Variants in ZNF462 observed in about 807,000 individuals in gnomAD.
ZNF462 encodes zinc finger protein 462.
Under a neutral mutation model 201.9 loss-of-function variants are expected in ZNF462, and 10 were observed. The observed-to-expected ratio is 0.05, with a 90% confidence interval of 0.03 to 0.08. The LOEUF (loss-of-function observed/expected upper bound fraction) is 0.08. Among genes scored for constraint, ZNF462 ranks in the 10% least tolerant of loss-of-function variants. ZNF462 has a pLI of 1.00. For synonymous variants in ZNF462, 1,227 were observed against 1,193.3 expected, an observed-to-expected ratio of 1.03 and a Z score of -0.58; for missense variants, 2,523 against 3,168.3, an observed-to-expected ratio of 0.80 and a Z score of 4.89.
rs1831473441 is a variant in ZNF462 at position 106,954,132 on chromosome 9, A to G, written c.6427+15025A>G. Among the ~76,000 whole-genome samples, 1 of 152,190 alleles carries G rather than the reference A, an allele frequency of 6.6e-6. No homozygotes were observed. The highest frequency in any genetic ancestry group is 2.4e-5 in the African/African-American group (1 of 41,438). On this transcript the variant is annotated intron_variant, in intron 7 of 12. Transcript: ENST00000277225. The surrounding 1 kb of genome is among the most constrained non-coding windows in gnomAD (Gnocchi z 4.0). The stretch of plus-strand genomic sequence containing the variant: ...TTTAACAGCTCTGCATGGCCTGTGT[A>G]TTAGTCCGTTTTCACATTGCTATAA...
chr9:106,862,230 G>A (rs952408467), upstream of ZNF462, among the ~76,000 whole-genome samples: 1 of 152,196 alleles, frequency 6.6e-6, no homozygotes, highest in East Asian at 1.9e-4. This position sits in a 1 kb window ranked among gnomAD's most constrained non-coding sequence, Gnocchi z 4.2. Flanking sequence ...AGCCCCACGT[G>A]GTTGATCTGG....
intron 1 of ZNF462, 79 bp downstream of exon 1, chr9:106,863,434 A>C (rs1827144012): frequency 2.7e-6 from 1 of 376,838 alleles, no homozygotes; most frequent in African/African-American, 2.1e-5. Context: ...TGGAGGCACA[A>C]ACGCGCTCAT....
rs1475649728 is a variant in ZNF462, at chr9:106,929,577, A to G, written c.5665A>G (p.Asn1889Asp). Residue 1889 changes from asparagine (N) to aspartate (D), a missense_variant, in exon 3 of 13, where the codon AAC becomes GAC. Asn to Asp is a conservative substitution (Grantham distance 23). This residue lies in a region of ZNF462 where 207 missense variants were observed against 231.6 expected (regional missense o/e 0.89). Coordinates refer to ENST00000277225, the MANE Select transcript of ZNF462 (RefSeq NM_021224.6). This position sits in a 1 kb window ranked among gnomAD's most constrained non-coding sequence, Gnocchi z 8.7. ...TCTGGGCAACGGCCCCCGCTTGCAGAACTCCACCTACCAGTGTAAGCACTG... is the reference window on the plus strand; with the variant it reads ...TCTGGGCAACGGCCCCCGCTTGCAGGACTCCACCTACCAGTGTAAGCACTG... The part of the protein sequence containing the change: ...IILGNGPRLQ[N>D]STYQCKHCDS... 6.2e-7 allele frequency: 1 copy of G among 1,614,084 alleles called. No individual in the cohort carries two copies. Among genetic ancestry groups the G allele is most frequent in the African/African-American group, 1.3e-5 (1 of 74,944 alleles).
chr9:106,948,812 TAATA>T (rs1035932857), intron 7 of ZNF462, among the ~76,000 whole-genome samples: 16 of 151,968 alleles, frequency 1.1e-4, no homozygotes, highest in Admixed American at 9.2e-4. Context: ...CCTTTTCAAA[TAATA>T]AATATTGAGT....
At chr9:106,904,646 CTTTGTT>C (rs990606600) in intron 1 of ZNF462, among the ~76,000 whole-genome samples, 4 of 152,088 alleles carry the variant, frequency 2.6e-5, no homozygotes, top group African/African-American at 9.7e-5. Context: ...TTTTCTTTGT[CTTTGTT>C]GGATTGGGTT....
At chr9:106,934,296 GA>G (rs61513773) in intron 5 of ZNF462, among the ~76,000 whole-genome samples, 10,497 of 113,862 alleles carry the variant, frequency 0.092, 714 homozygotes, top group African/African-American at 0.22. Flanking sequence ...CTCTTGAGAT[GA>G]AAAAAAAAAA....
intron 7 of ZNF462, among the ~76,000 whole-genome samples, chr9:106,940,571 T>A (rs555069156): frequency 1.3e-5 from 2 of 152,312 alleles, no homozygotes; most frequent in East Asian, 3.9e-4. Context: ...AGCTTGGTGG[T>A]CTTTCCTTTG....
At chr9:106,888,679 T>C (rs1810024544) in intron 1 of ZNF462, among the ~76,000 whole-genome samples, 1 of 152,222 alleles carries the variant, frequency 6.6e-6, no homozygotes, top group Non-Finnish European at 1.5e-5. Flanking sequence ...CTGTCACTCT[T>C]CCCACCGTAT....
rs1830140686 is a variant in ZNF462 at position 106,925,185 on chromosome 9, T to C, written c.1273T>C (p.Leu425=). The C allele has an allele frequency of 6.2e-7, 1 of 1,614,202 alleles. No homozygotes were observed. The highest frequency in any genetic ancestry group is 8.5e-7 in the Non-Finnish European group (1 of 1,180,046). Reference sequence around the variant, plus strand: ...GATGGGCTCAGATGGCAACAAATTATTGGAGACCAAGGGGATTCCATTTAG... The same window carrying C: ...GATGGGCTCAGATGGCAACAAATTACTGGAGACCAAGGGGATTCCATTTAG... ...QLMGSDGNKL[L]ETKGIPFRRF... is the part of the protein sequence containing the mutation. Residue 425 remains leucine, a synonymous_variant, in exon 3 of 13, where the codon TTG becomes CTG. Transcript: ENST00000277225. This position sits in a 1 kb window ranked among gnomAD's most constrained non-coding sequence, Gnocchi z 7.9.
intron 1 of ZNF462, among the ~76,000 whole-genome samples, chr9:106,914,976 AT>A (rs1829707899): frequency 6.6e-6 from 1 of 152,282 alleles, no homozygotes; most frequent in South Asian, 2.1e-4. Context: ...AGGAAAAAAA[AT>A]CTTAGAAAAT....
Position 106,972,408 on chromosome 9 carries a change from C to T in ZNF462, c.6695+136C>T, listed in dbSNP as rs1826670313. ...CATGTGATGATGTAGGGGTTGGGTC[C>T]AGGCTTCATGGAAGGAGGGTAGTTT... On this transcript the variant is annotated intron_variant, in intron 8 of 12. Transcript: ENST00000277225. This position sits in a 1 kb window ranked among gnomAD's most constrained non-coding sequence, Gnocchi z 4.8. The T allele has an allele frequency of 3.1e-6, 4 of 1,273,012 alleles. No homozygotes were observed. Among genetic ancestry groups the T allele is most frequent in the Middle Eastern group, 5.1e-4 (2 of 3,910 alleles). The allele number at this position is 1,273,012 out of a possible 1,614,324, so 78.9% of individuals were successfully genotyped here.
In ZNF462 at chr9:106,926,592, G is replaced by A. The variant is rs776022280; in HGVS notation, c.2680G>A (p.Asp894Asn). Reference protein sequence around the residue: ...AVYRCLECYIDYTNFEDLQQH... With the variant: ...AVYRCLECYINYTNFEDLQQH... ...GTACAGGTGCCTGGAATGCTACATC[G>A]ATTACACCAACTTCGAAGATCTCCA... The change falls in exon 3 of 13, where the codon GAT (aspartate) becomes AAT (asparagine). Residue 894 changes from aspartate to asparagine, a missense_variant. Asp to Asn is a conservative substitution (Grantham distance 23). Coordinates refer to ENST00000277225, the MANE Select transcript of ZNF462 (RefSeq NM_021224.6). This position sits in a 1 kb window ranked among gnomAD's most constrained non-coding sequence, Gnocchi z 7.9. 1.1e-5 allele frequency: 18 copies of A among 1,613,926 alleles called. No homozygotes were observed. Among genetic ancestry groups the A allele is most frequent in the South Asian group, 2.2e-5 (2 of 91,054 alleles).
At chr9:106,983,796 C>T (rs1468795526) in intron 9 of ZNF462, among the ~76,000 whole-genome samples, 11 of 152,154 alleles carry the variant, frequency 7.2e-5, no homozygotes, top group Non-Finnish European at 1.6e-4. Flanking sequence ...GCCTCAGTTG[C>T]ACTTGCTGAG....
Position 106,963,805 on chromosome 9 carries a change from C to T in ZNF462, c.6428-8200C>T, listed in dbSNP as rs1180351913. Among the ~76,000 whole-genome samples, 7 of 151,974 alleles carry T rather than the reference C, an allele frequency of 4.6e-5. No homozygotes were observed. The highest frequency in any genetic ancestry group is 3.3e-4 in the Admixed American group (5 of 15,240). On this transcript the variant is annotated intron_variant, in intron 7 of 12. Transcript: ENST00000277225. The surrounding 1 kb of genome is among the most constrained non-coding windows in gnomAD (Gnocchi z 4.7). ...ATCTCTAGAACTCTTTCATCTTACA[C>T]GACTGAAACTCTATATCCATAGAAC...
At position 106,974,414 on chromosome 9, in the gene ZNF462, A is replaced by G. The variant is rs1826844905; in HGVS notation, c.6832+141A>G. ...CTTCAGGCAAGAAACCACAGTGATA[A>G]CCACAGTGACAGCCAAAAGGGCAAA... On this transcript the variant is annotated intron_variant, in intron 9 of 12. Transcript: ENST00000277225. This position sits in a 1 kb window ranked among gnomAD's most constrained non-coding sequence, Gnocchi z 4.0. 7.5e-7 allele frequency: 1 copy of G among 1,330,280 alleles called. No homozygotes were observed. Among genetic ancestry groups the G allele is most frequent in the African/African-American group, 1.4e-5 (1 of 69,334 alleles). The allele number at this position is 1,330,280 out of a possible 1,614,324, so 82.4% of individuals were successfully genotyped here.
intron 1 of ZNF462, among the ~76,000 whole-genome samples, chr9:106,893,176 G>A (rs779727009): frequency 1.8e-4 from 27 of 152,192 alleles, no homozygotes; most frequent in Non-Finnish European, 2.5e-4. Flanking sequence ...AGAAGCAGAT[G>A]TGCTCTCTGA....
intron 1 of ZNF462, among the ~76,000 whole-genome samples, chr9:106,906,129 A>G (rs1232737800): frequency 1.3e-5 from 2 of 152,172 alleles, no homozygotes; most frequent in Admixed American, 1.3e-4. Context: ...AGCTCCAGGT[A>G]AAGTCGGAAA....
intron 5 of ZNF462, among the ~76,000 whole-genome samples, chr9:106,934,898 C>A (rs866255394): frequency 6.6e-6 from 1 of 152,110 alleles, no homozygotes; most frequent in Admixed American, 6.5e-5. Flanking sequence ...AAGGGATGTG[C>A]GGCCTTTTGA....
intron 7 of ZNF462, among the ~76,000 whole-genome samples, chr9:106,969,890 G>A (rs973407339): frequency 1.3e-5 from 2 of 152,174 alleles, no homozygotes; most frequent in African/African-American, 4.8e-5. Flanking sequence ...AAGCTATCTG[G>A]GGATCCTGGC....
Sources: gnomAD v4.1 joint callset for allele counts (sites outside exome capture counted in the v4.1 genomes callset) on GRCh38, gnomAD v4.1.1 for gene constraint, gnomAD v4.1.1 regional missense constraint, Gnocchi (gnomAD v3.1) non-coding constraint, MANE v1.5 for transcripts, NCBI Gene and HGNC (gene_info 2026-07-23, HGNC 2026-07-21) for gene names.